TNKS2: variants seen among roughly 807,000 people sequenced by gnomAD.
TNKS2 encodes tankyrase 2, also known as poly [ADP-ribose] polymerase tankyrase-2.
Under a neutral mutation model 137.6 loss-of-function variants are expected in TNKS2, and 72 were observed. The observed-to-expected ratio is 0.52, with a 90% CI of 0.43 to 0.64. The LOEUF (loss-of-function observed/expected upper bound fraction) is 0.64. Among genes scored for constraint, TNKS2 ranks in the 30% least tolerant of loss-of-function variants. The pLI, the probability that TNKS2 is intolerant of heterozygous loss-of-function variation, is 0.00. For synonymous variants in TNKS2, 516 were observed against 512.1 expected, an observed-to-expected ratio of 1.01 and a Z score of -0.10; for missense variants, 1,049 against 1,410.2, an observed-to-expected ratio of 0.74 and a Z score of 4.10.
chr10:91,822,920 C>T (rs895037501), intron 7 of TNKS2, among the ~76,000 whole-genome samples: 2 of 151,222 alleles, frequency 1.3e-5, no homozygotes, highest in African/African-American at 4.9e-5. Context: ...CATCTTGTGA[C>T]GCATCATCTG....
chr10:91,844,994 G>T lies in TNKS2; in HGVS notation c.2135G>T (p.Gly712Val). The T allele has an allele frequency of 6.2e-7, 1 of 1,612,428 alleles. No individual in the cohort carries two copies. The highest frequency in any genetic ancestry group is 8.5e-7 in the Non-Finnish European group (1 of 1,178,654). Residue 712 changes from glycine to valine, a missense_variant, in exon 17 of 27, where the codon GGA (glycine) becomes GTA (valine). Gly to Val is a moderately radical substitution (Grantham distance 109). Around this residue, in one of 6 missense-constraint regions of TNKS2, gnomAD observed 328 missense variants for 436.0 expected, o/e 0.75. Transcript: ENST00000371627. ...GADVNAQDKG[G>V]LIPLHNAASY... ...GATGTGAATGCCCAAGACAAAGGAG[G>T]ACTTATTCCTTTACATAATGCAGCA...
At chr10:91,828,234 G>C (rs1845126303) in intron 8 of TNKS2, 51 bp from the exon 9 acceptor site, 1 of 1,415,652 alleles carries the variant, frequency 7.1e-7, no homozygotes, top group African/African-American at 1.5e-5. Flanking sequence ...TTTTAGATAA[G>C]GCTTTTCAAT....
intron 18 of TNKS2, 42 bp downstream of exon 18, chr10:91,845,982 C>T: frequency 6.9e-7 from 1 of 1,442,052 alleles, no homozygotes; most frequent in Non-Finnish European, 9.3e-7. Context: ...GCTTTTCTGA[C>T]TTGTTAAAAT....
At position 91,848,493 on chromosome 10, in the gene TNKS2, T is replaced by C; in HGVS notation, c.2469T>C (p.Asp823=). ...NGVRSPGATA[D]ALSSGPSSPS... The stretch of plus-strand genomic sequence containing the variant: ...TGAGAAGCCCAGGAGCCACTGCAGA[T>C]GCTCTCTCTTCAGGTCCATCTAGCC... Residue 823 remains aspartate, a synonymous_variant, in exon 19 of 27, where the codon GAT becomes GAC. Transcript: ENST00000371627. 1 of 1,614,160 alleles carries C rather than the reference T, an allele frequency of 6.2e-7. No individual in the cohort carries two copies. Among genetic ancestry groups the C allele is most frequent in the Middle Eastern group, 1.6e-4 (1 of 6,062 alleles).
chr10:91,819,645 T>C, intron 5 of TNKS2, 88 bp downstream of exon 5: 2 of 1,045,956 alleles, frequency 1.9e-6, no homozygotes, highest in Non-Finnish European at 2.8e-6. Context: ...TGAAACATAT[T>C]TGAAGAGAGT....
intron 6 of TNKS2, among the ~76,000 whole-genome samples, chr10:91,820,483 C>T (rs974625386): frequency 2.0e-5 from 3 of 152,168 alleles, no homozygotes; most frequent in African/African-American, 4.8e-5. Context: ...CTACAGCAAA[C>T]GTTAAAGCAC....
At chr10:91,852,232 A>C (rs1043936489) in intron 21 of TNKS2, among the ~76,000 whole-genome samples, 1 of 150,608 alleles carries the variant, frequency 6.6e-6, no homozygotes, top group Non-Finnish European at 1.5e-5. Context: ...CATCTCAAAA[A>C]AAATAAATAA....
At chr10:91,826,558 A>T (rs1322984597) in intron 7 of TNKS2, among the ~76,000 whole-genome samples, 1 of 152,228 alleles carries the variant, frequency 6.6e-6, no homozygotes, top group African/African-American at 2.4e-5. Flanking sequence ...AAGAACAGAT[A>T]TATCTAATAT....
At chr10:91,801,775 A>G (rs912608450) in intron 1 of TNKS2, among the ~76,000 whole-genome samples, 3 of 152,116 alleles carry the variant, frequency 2.0e-5, no homozygotes, top group Non-Finnish European at 4.4e-5. Context: ...CCCGGCCAGG[A>G]ATGATTTTTT....
At chr10:91,804,147 C>T (rs1477875268) in intron 1 of TNKS2, among the ~76,000 whole-genome samples, 1 of 152,074 alleles carries the variant, frequency 6.6e-6, no homozygotes, top group Non-Finnish European at 1.5e-5. Flanking sequence ...GGCTGCTTTT[C>T]TCTGTTTTCA....
chr10:91,844,845 C>T, intron 16 of TNKS2, 74 bp from the exon 17 acceptor site: 2 of 888,224 alleles, frequency 2.3e-6, no homozygotes, highest in South Asian at 1.6e-5. Context: ...TTTATGTTAA[C>T]AAGTGGAAGT....
At position 91,859,649 on chromosome 10, in the gene TNKS2, G is replaced by T. The variant is rs1842799947; in HGVS notation, c.3281+1G>T. The T allele has an allele frequency of 6.2e-7, 1 of 1,608,834 alleles. No homozygotes were observed. Among genetic ancestry groups the T allele is most frequent in the Admixed American group, 1.7e-5 (1 of 58,912 alleles). ...ACAGATCTTGTTACATTTGCCACAG[G>T]TAAGAGATCACTTGTTCTCATTTAT... On this transcript the variant is annotated splice_donor_variant, in intron 25 of 26. Coordinates refer to ENST00000371627, the MANE Select transcript of TNKS2 (RefSeq NM_025235.4). LOFTEE classifies it high-confidence loss of function.
At chr10:91,858,812 C>A (rs1842780030) in intron 24 of TNKS2, among the ~76,000 whole-genome samples, 1 of 152,152 alleles carries the variant, frequency 6.6e-6, no homozygotes, top group Non-Finnish European at 1.5e-5. Flanking sequence ...AGTTTGAGAC[C>A]AGCCTGACCA....
At chr10:91,808,094 T>C (rs1844388496) in intron 1 of TNKS2, among the ~76,000 whole-genome samples, 1 of 151,786 alleles carries the variant, frequency 6.6e-6, no homozygotes, top group South Asian at 2.1e-4. Flanking sequence ...AAATCCCTGT[T>C]GTATGGAGCT....
intron 2 of TNKS2, among the ~76,000 whole-genome samples, chr10:91,815,779 A>G (rs1192800224): frequency 6.6e-6 from 1 of 152,044 alleles, no homozygotes; most frequent in East Asian, 1.9e-4. Context: ...ACTGGTATAT[A>G]TAGGAGTAGA....
chr10:91,826,002 A>G (rs1270317951), intron 7 of TNKS2, among the ~76,000 whole-genome samples: 1 of 152,250 alleles, frequency 6.6e-6, no homozygotes, highest in Non-Finnish European at 1.5e-5. Context: ...TTTGTAACAC[A>G]GGTTGAGTAT....
chr10:91,830,843 T>C (rs1289631878), intron 9 of TNKS2, 80 bp from the exon 10 acceptor site: 24 of 1,174,546 alleles, frequency 2.0e-5, no homozygotes, highest in Non-Finnish European at 2.6e-5. Flanking sequence ...ACTACTTGAT[T>C]GTTCTTGATT....
intron 7 of TNKS2, 47 bp downstream of exon 7, chr10:91,822,409 A>G (rs377239853): frequency 2.3e-4 from 328 of 1,408,754 alleles, no homozygotes; most frequent in Non-Finnish European, 2.6e-4. Flanking sequence ...GTTATATAAA[A>G]TAACTTGAAA....
chr10:91,806,064 T>C (rs1844318265), intron 1 of TNKS2, among the ~76,000 whole-genome samples: 1 of 120,558 alleles, frequency 8.3e-6, no homozygotes, highest in Non-Finnish European at 1.7e-5. Flanking sequence ...TTTTTTTTTA[T>C]ATTTTATCTA....
Sources: gnomAD v4.1 joint callset for allele counts (sites outside exome capture counted in the v4.1 genomes callset) on GRCh38, gnomAD v4.1.1 for gene constraint, gnomAD v4.1.1 regional missense constraint, MANE v1.5 for transcripts, NCBI Gene and HGNC (gene_info 2026-07-23, HGNC 2026-07-21) for gene names.